The following SIN3A variants were observed in gnomAD, a reference collection of about 807,000 sequenced individuals.
SIN3A encodes paired amphipathic helix protein Sin3a.
In SIN3A, 14 loss-of-function variants were observed where a neutral mutation model predicts 146.1. The observed-to-expected ratio is 0.10, with a 90% CI of 0.06 to 0.15. SIN3A has a LOEUF of 0.15. Ranked by LOEUF, SIN3A falls within the 10% of genes least tolerant of loss-of-function variation. The pLI is 1.00. For synonymous variants in SIN3A, 572 were observed against 572.0 expected, an observed-to-expected ratio of 1.00 and a Z score of 0.00; for missense variants, 1,028 against 1,576.0, an observed-to-expected ratio of 0.65 and a Z score of 5.89.
rs918390118 is a variant in SIN3A at position 75,384,183 on chromosome 15, C to T, written c.3195+81G>A. On this transcript the variant is annotated intron_variant, in intron 17 of 20. Coordinates refer to ENST00000394947, the MANE Select transcript of SIN3A (RefSeq NM_001145358.2). ...AGTAGAATCACAGGTCAAAGTACCCCGGCTTTAACTTCTGGTTCAGAGAAT... is the reference window on the plus strand; with the variant it reads ...AGTAGAATCACAGGTCAAAGTACCCTGGCTTTAACTTCTGGTTCAGAGAAT... 11 of 1,181,624 alleles carry T rather than the reference C, an allele frequency of 9.3e-6. No individual in the cohort carries two copies. In the African/African-American group the frequency reaches 9.3e-5, roughly 10 times the overall value. 73.2% of individuals were successfully genotyped at this position (1,181,624 alleles called of 1,614,324 possible). A position where few individuals can be genotyped will look rare whatever the true frequency, so the allele number is the denominator to read the frequency against.
intron 8 of SIN3A, among the ~76,000 whole-genome samples, chr15:75,408,421 A>C (rs149232420): frequency 2.0e-3 from 310 of 152,350 alleles, no homozygotes; most frequent in African/African-American, 7.0e-3. Context: ...TAGTCAGTCA[A>C]TCACTATTCA....
In SIN3A at chr15:75,375,943, TTTTC is replaced by T. The variant is rs1365604524; in HGVS notation, c.3384-75_3384-72del. 1.2e-5 allele frequency: 17 copies of T among 1,460,404 alleles called. No homozygotes were observed. In the African/African-American group the frequency reaches 1.8e-4, roughly 16 times the overall value. 90.5% of individuals were successfully genotyped at this position (1,460,404 alleles called of 1,614,324 possible). On this transcript the variant is annotated intron_variant, in intron 19 of 20. Coordinates refer to ENST00000394947, the MANE Select transcript of SIN3A (RefSeq NM_001145358.2). ...ATTCCCGTGACTTCCCCAAAGTGAG[TTTTC>T]TTTATTATATGCTTGCATAGTACTC...
chr15:75,450,316 A>G (rs190902979), intron 1 of SIN3A, among the ~76,000 whole-genome samples: 2 of 152,324 alleles, frequency 1.3e-5, no homozygotes, highest in Admixed American at 1.3e-4. Context: ...AACTTCGTTT[A>G]AAGTCCTAAC....
intron 12 of SIN3A, among the ~76,000 whole-genome samples, chr15:75,398,131 C>T (rs2073338289): frequency 6.6e-6 from 1 of 152,166 alleles, no homozygotes; most frequent in Admixed American, 6.5e-5. Flanking sequence ...CAAAAACCAG[C>T]AAGATACCTA....
upstream of SIN3A, among the ~76,000 whole-genome samples, chr15:75,455,292 C>T (rs1595940135): frequency 6.6e-6 from 1 of 151,844 alleles, no homozygotes; most frequent in Admixed American, 6.5e-5. Flanking sequence ...CAGTGGGCCC[C>T]GCCGACCATG....
intron 9 of SIN3A, among the ~76,000 whole-genome samples, chr15:75,402,713 C>G (rs1232430293): frequency 1.3e-5 from 2 of 152,104 alleles, no homozygotes; most frequent in Non-Finnish European, 2.9e-5. Flanking sequence ...CAGCTCACTG[C>G]AACCTCTGCC....
At chr15:75,379,004 A>ATTC (rs1460732039) in intron 19 of SIN3A, among the ~76,000 whole-genome samples, 1 of 151,706 alleles carries the variant, frequency 6.6e-6, no homozygotes, top group Non-Finnish European at 1.5e-5. Flanking sequence ...GGTTCAAGCA[A>ATTC]TTCTCCTGCC....
intron 1 of SIN3A, among the ~76,000 whole-genome samples, chr15:75,435,195 ATT>A (rs748944878): frequency 5.9e-5 from 9 of 152,104 alleles, no homozygotes; most frequent in Non-Finnish European, 1.0e-4. Context: ...AACATACTAG[ATT>A]TTGGAATACT....
At chr15:75,421,746 A>G (rs2073842796) in intron 3 of SIN3A, 1 of 152,176 alleles carries the variant, frequency 6.6e-6, no homozygotes, top group Non-Finnish European at 1.5e-5. Context: ...ACTTAATTTT[A>G]TATAAACGTA....
chr15:75,434,149 G>A (rs1013959128), intron 1 of SIN3A, among the ~76,000 whole-genome samples: 3 of 152,114 alleles, frequency 2.0e-5, no homozygotes, highest in Non-Finnish European at 4.4e-5. Context: ...CTTATTTAAG[G>A]CACACATGCA....
chr15:75,423,679 A>C (rs763548994), intron 2 of SIN3A, among the ~76,000 whole-genome samples: 11 of 152,034 alleles, frequency 7.2e-5, no homozygotes, highest in Non-Finnish European at 1.5e-4. Flanking sequence ...CTCCATCTCA[A>C]AAACAAACAA....
intron 4 of SIN3A, 59 bp from the exon 5 acceptor site, chr15:75,413,104 A>T: frequency 6.7e-7 from 1 of 1,501,690 alleles, no homozygotes; most frequent in Admixed American, 2.3e-5. Context: ...CCCTGTTAAG[A>T]AAAAATTTCA....
At chr15:75,388,067 C>T (rs28698340) in intron 16 of SIN3A, among the ~76,000 whole-genome samples, 3,568 of 152,246 alleles carry the variant, frequency 0.023, 152 homozygotes, top group African/African-American at 0.082. Flanking sequence ...AAAACCAAGG[C>T]AAAAGCATGG....
chr15:75,418,950 G>C (rs959846968), intron 3 of SIN3A, among the ~76,000 whole-genome samples: 3 of 151,524 alleles, frequency 2.0e-5, no homozygotes, highest in Middle Eastern at 6.4e-3. Context: ...GTAGAGACGG[G>C]ATTTCACTGT....
chr15:75,396,625 T>C, intron 12 of SIN3A, 129 bp from the exon 13 acceptor site: 3 of 653,350 alleles, frequency 4.6e-6, no homozygotes, highest in Non-Finnish European at 8.0e-6. Flanking sequence ...ACTAGCTACA[T>C]AAGACTGTTT....
chr15:75,445,778 G>GACC (rs1214888636), intron 1 of SIN3A, among the ~76,000 whole-genome samples: 1 of 141,292 alleles, frequency 7.1e-6, no homozygotes, highest in Non-Finnish European at 1.5e-5. Context: ...AAAAAAAAAA[G>GACC]AAAGAAAGAA....
intron 1 of SIN3A, among the ~76,000 whole-genome samples, chr15:75,440,725 G>A (rs2074192595): frequency 1.3e-5 from 2 of 151,976 alleles, no homozygotes; most frequent in Admixed American, 1.3e-4. Flanking sequence ...GCTCATGCCT[G>A]TAATCCCAGC....
chr15:75,454,039 G>C (rs889381688), upstream of SIN3A: 2 of 152,342 alleles, frequency 1.3e-5, no homozygotes, highest in East Asian at 3.9e-4. Flanking sequence ...GGGGAGCAAG[G>C]GTGGACTTCC....
At chr15:75,382,256 G>A (rs2072986522) in intron 17 of SIN3A, among the ~76,000 whole-genome samples, 1 of 152,178 alleles carries the variant, frequency 6.6e-6, no homozygotes, top group African/African-American at 2.4e-5. Flanking sequence ...GCTAGATCTA[G>A]CTCAGTGTTC....
Sources: gnomAD v4.1 joint callset for allele counts (sites outside exome capture counted in the v4.1 genomes callset) on GRCh38, gnomAD v4.1.1 for gene constraint, MANE v1.5 for transcripts, NCBI Gene and HGNC (gene_info 2026-07-23, HGNC 2026-07-21) for gene names.